Variants in PDE4D observed in about 807,000 individuals in gnomAD.
PDE4D encodes 3',5'-cyclic-AMP phosphodiesterase 4D.
In PDE4D, 24 loss-of-function variants were observed where a neutral mutation model predicts 87.4. The ratio of observed to expected loss-of-function variants is 0.27; its 90% CI spans 0.20 to 0.39. PDE4D has a LOEUF of 0.39. PDE4D is among the 10% of genes least tolerant of loss of function. The pLI is 1.00. For synonymous variants in PDE4D, 384 were observed against 383.2 expected, an observed-to-expected ratio of 1.00 and a Z score of -0.02; for missense variants, 714 against 1,041.0, an observed-to-expected ratio of 0.69 and a Z score of 4.32.
At chr5:59,118,226 A>T (rs1214522097) in intron 5 of PDE4D, among the ~76,000 whole-genome samples, 2 of 152,136 alleles carry the variant, frequency 1.3e-5, no homozygotes, top group African/African-American at 4.8e-5. Context: ...TTACCTTGGT[A>T]ACTTTCCAAA....
chr5:60,423,214 T>A (rs1743300779), intron 1 of PDE4D, among the ~76,000 whole-genome samples: 1 of 152,086 alleles, frequency 6.6e-6, no homozygotes, highest in Non-Finnish European at 1.5e-5. Context: ...TCTACAGAAC[T>A]CTCCACCCCA....
chr5:59,015,834 C>T (rs10039312), intron 6 of PDE4D, among the ~76,000 whole-genome samples: 15,254 of 152,028 alleles, frequency 0.1, 1,024 homozygotes, highest in Non-Finnish European at 0.13. Context: ...TGTATGTTTA[C>T]TGCAGCACTA....
At chr5:59,248,999 A>C (rs1759411591) in intron 1 of PDE4D, among the ~76,000 whole-genome samples, 1 of 152,112 alleles carries the variant, frequency 6.6e-6, no homozygotes, top group African/African-American at 2.4e-5. Flanking sequence ...AAAATCAATA[A>C]ATTTGACTGT....
intron 1 of PDE4D, among the ~76,000 whole-genome samples, chr5:59,792,439 T>TGTGTGTGTGTGTG (rs1561669604): frequency 2.2e-4 from 33 of 150,356 alleles, no homozygotes; most frequent in African/African-American, 4.9e-4. Context: ...TGTGTGTGTG[T>TGTGTGTGTGTGTG]TTTGAGGAAG....
chr5:59,555,443 T>C (rs181143071), intron 1 of PDE4D, among the ~76,000 whole-genome samples: 1 of 151,936 alleles, frequency 6.6e-6, no homozygotes, highest in African/African-American at 2.4e-5. Context: ...CAAACCCCCA[T>C]GACAGGAGCT....
intron 5 of PDE4D, among the ~76,000 whole-genome samples, chr5:59,113,050 C>T (rs980625934): frequency 1.4e-4 from 21 of 151,950 alleles, no homozygotes; most frequent in Admixed American, 1.3e-3. Context: ...ATCCAACCGC[C>T]TTGGCCTCCC....
intron 1 of PDE4D, chr5:59,586,245 TTCAAGAC>T: frequency 9.4e-7 from 1 of 1,060,736 alleles, no homozygotes; most frequent in Non-Finnish European, 1.5e-6. Context: ...AATACTCTAG[TTCAAGAC>T]AAATCCTCAT....
intron 1 of PDE4D, among the ~76,000 whole-genome samples, chr5:60,503,636 G>A (rs1191246220): frequency 1.3e-5 from 2 of 152,030 alleles, no homozygotes; most frequent in Non-Finnish European, 2.9e-5. Context: ...TTCATGTCAA[G>A]GCATTATTAA....
intron 1 of PDE4D, among the ~76,000 whole-genome samples, chr5:59,752,490 GACT>G (rs1227243253): frequency 2.0e-5 from 3 of 152,162 alleles, no homozygotes; most frequent in African/African-American, 7.2e-5. Context: ...TATATCACAA[GACT>G]GTGCTAGGTG....
At chr5:59,611,937 G>A (rs961609463) in intron 1 of PDE4D, among the ~76,000 whole-genome samples, 5 of 152,108 alleles carry the variant, frequency 3.3e-5, no homozygotes, top group East Asian at 1.9e-4. Context: ...ATGAGCCACC[G>A]GATTCCACTT....
chr5:60,327,319 C>A (rs187496996), intron 1 of PDE4D, among the ~76,000 whole-genome samples: 1 of 152,288 alleles, frequency 6.6e-6, no homozygotes, highest in African/African-American at 2.4e-5. Flanking sequence ...AATATTTTAA[C>A]AAGGTCTGTG....
chr5:59,713,996 C>A (rs1754612140), intron 1 of PDE4D, among the ~76,000 whole-genome samples: 1 of 152,082 alleles, frequency 6.6e-6, no homozygotes, highest in African/African-American at 2.4e-5. Flanking sequence ...GAAGGCCTGG[C>A]ATAGGGTTGG....
intron 1 of PDE4D, among the ~76,000 whole-genome samples, chr5:60,218,571 A>G (rs1490829072): frequency 6.6e-6 from 1 of 152,092 alleles, no homozygotes; most frequent in Non-Finnish European, 1.5e-5. Flanking sequence ...CCATGTTTTT[A>G]TGAGGATTCA....
chr5:59,529,136 C>A (rs1310837396), intron 1 of PDE4D: 2 of 483,538 alleles, frequency 4.1e-6, no homozygotes, highest in South Asian at 1.6e-5. Context: ...CTCTTGGGAG[C>A]TCTGTGTGGA....
chr5:59,249,402 C>A (rs764769271), intron 1 of PDE4D, among the ~76,000 whole-genome samples: 1 of 151,790 alleles, frequency 6.6e-6, no homozygotes, highest in Non-Finnish European at 1.5e-5. Context: ...GTATTTTTTG[C>A]AACATATATT....
chr5:59,525,023 T>C (rs948804225), intron 1 of PDE4D, among the ~76,000 whole-genome samples: 2 of 152,164 alleles, frequency 1.3e-5, no homozygotes, highest in Non-Finnish European at 2.9e-5. Flanking sequence ...GGCAGTGCAG[T>C]AGGAAAATGT....
At chr5:59,888,727 T>A (rs1750521798) in intron 1 of PDE4D, among the ~76,000 whole-genome samples, 1 of 152,214 alleles carries the variant, frequency 6.6e-6, no homozygotes, top group East Asian at 1.9e-4. Flanking sequence ...ATTTTGGTAA[T>A]GTGAAATCTA....
chr5:59,161,697 G>A (rs915146324), intron 5 of PDE4D, among the ~76,000 whole-genome samples: 7 of 152,180 alleles, frequency 4.6e-5, no homozygotes, highest in Non-Finnish European at 1.0e-4. Flanking sequence ...GAGGGTGCAG[G>A]CGTGCTTCAA....
intron 2 of PDE4D, among the ~76,000 whole-genome samples, chr5:60,023,603 G>T (rs1386303350): frequency 6.6e-6 from 1 of 151,970 alleles, no homozygotes; most frequent in Non-Finnish European, 1.5e-5. Context: ...TACTTCTACA[G>T]GTCCCCTTCT....
Sources: allele counts gnomAD v4.1 joint callset (sites outside exome capture counted in the v4.1 genomes callset), GRCh38; gene constraint gnomAD v4.1.1; transcripts MANE v1.5; gene names NCBI Gene and HGNC (gene_info 2026-07-23, HGNC 2026-07-21).